JAK1: variants seen among roughly 807,000 people sequenced by gnomAD.
JAK1 encodes tyrosine-protein kinase JAK1.
Under a neutral mutation model 136.6 loss-of-function variants are expected in JAK1, and 16 were observed. That is an observed-to-expected ratio of 0.12 (90% CI 0.08 to 0.18). The LOEUF is 0.18. JAK1 is among the 10% of genes least tolerant of loss of function. JAK1 has a pLI of 1.00. For missense variants in JAK1, 859 were observed against 1,450.1 expected, an observed-to-expected ratio of 0.59 and a Z score of 6.62; for synonymous variants, 492 against 519.5, an observed-to-expected ratio of 0.95 and a Z score of 0.72.
At chr1:65,057,551 G>A (rs918027129) in intron 1 of JAK1, among the ~76,000 whole-genome samples, 2 of 152,116 alleles carry the variant, frequency 1.3e-5, no homozygotes, top group Admixed American at 6.5e-5. Context: ...AAATTTGCAG[G>A]TGGGTGGCCT....
At chr1:64,989,031 A>T (rs962568824) in intron 2 of JAK1, among the ~76,000 whole-genome samples, 15 of 109,428 alleles carry the variant, frequency 1.4e-4, no homozygotes, top group South Asian at 2.9e-4. Context: ...TATATATATA[A>T]AATACAGAGA....
Position 64,837,994 on chromosome 1 carries a change from T to C in JAK1, c.3078A>G (p.Lys1026=), listed in dbSNP as rs200974543. Residue 1026 remains lysine, a synonymous_variant, in exon 22 of 25, where the codon AAA becomes AAG. Coordinates refer to ENST00000342505, the MANE Select transcript of JAK1 (RefSeq NM_002227.4). ...QVKIGDFGLT[K]AIETDKEYYT... ...AATACTCCTTATCGGTTTCAATTGC[T>C]TTGGTTAAACCGAAGTCTCCAATTT... 3.5e-5 allele frequency: 57 copies of C among 1,614,090 alleles called. No homozygotes were observed. In the Middle Eastern group the frequency reaches 8.2e-4, roughly 23 times the overall value.
chr1:64,886,977 T>A (rs1472470965), intron 1 of JAK1, among the ~76,000 whole-genome samples: 1 of 152,138 alleles, frequency 6.6e-6, no homozygotes, highest in Non-Finnish European at 1.5e-5. Flanking sequence ...AGAATCCAGT[T>A]TTAGGAAGAG....
At chr1:64,902,371 C>T (rs141402082) in intron 1 of JAK1, among the ~76,000 whole-genome samples, 1 of 152,224 alleles carries the variant, frequency 6.6e-6, no homozygotes, top group East Asian at 1.9e-4. Flanking sequence ...TTAAGACAGA[C>T]AGCAGCATCT....
At chr1:64,903,507 G>A (rs1570741780) in intron 1 of JAK1, among the ~76,000 whole-genome samples, 2 of 152,186 alleles carry the variant, frequency 1.3e-5, no homozygotes, top group African/African-American at 4.8e-5. Flanking sequence ...ATGAGACAAT[G>A]AAAGATACTA....
In JAK1 at chr1:64,878,603, A is replaced by ATATC. The variant is rs1230363421; in HGVS notation, c.329+418_329+421dup. On this transcript the variant is annotated intron_variant, in intron 4 of 24. Transcript: ENST00000342505. ...TATATATATATATATATATATATATATATCTCAAAAGTTTAAAAAATATAC... is the reference window on the plus strand; with the variant it reads ...TATATATATATATATATATATATATATATCTATCTCAAAAGTTTAAAAAATATAC... 1.1e-3 allele frequency among the ~76,000 whole-genome samples: 117 copies of ATATC among 110,124 alleles called. 1 individual carries two copies. Among genetic ancestry groups the ATATC allele is most frequent in the Non-Finnish European group, 1.9e-3 (98 of 52,436 alleles). The allele number at this position is 110,124 out of a possible 152,430, so 72.2% of individuals were successfully genotyped here.
At chr1:64,883,158 C>G in intron 3 of JAK1, 119 bp downstream of exon 3, 1 of 766,174 alleles carries the variant, frequency 1.3e-6, no homozygotes, top group Non-Finnish European at 2.0e-6. Flanking sequence ...AGGGAGGAAC[C>G]TGACTCCAGA....
In JAK1 at chr1:65,006,773, C is replaced by T. The variant is rs6692102; in HGVS notation, c.-78+37707G>A. On this transcript the variant is annotated intron_variant, in intron 2 of 25. Transcript: ENST00000671954. The stretch of plus-strand genomic sequence containing the variant: ...CTGAACCTGTAGATTCACTGAATTA[C>T]GCCTTGTATATAAAATATTTTATCT... Among the ~76,000 whole-genome samples the T allele has an allele frequency of 6.5e-3, 989 of 152,222 alleles. 9 individuals carry two copies. Among genetic ancestry groups the T allele is most frequent in the African/African-American group, 0.023 (945 of 41,530 alleles).
rs1646583818 is a variant in JAK1 at position 64,984,934 on chromosome 1, T to G, written c.-78+59546A>C. 1 of 1,114,764 alleles carries G rather than the reference T, an allele frequency of 9.0e-7. No individual in the cohort carries two copies. The highest frequency in any genetic ancestry group is 1.5e-5 in the African/African-American group (1 of 65,222). The allele number at this position is 1,114,764 out of a possible 1,614,324, so 69.1% of individuals were successfully genotyped here. A position where few individuals can be genotyped will look rare whatever the true frequency, so the allele number is the denominator to read the frequency against. The stretch of plus-strand genomic sequence containing the variant: ...CCCTGGCTGAAGAGTTCAGCCACAA[T>G]AAACCAGGGAATGTGGTCTGGCCCA... On this transcript the variant is annotated intron_variant, in intron 2 of 25. Transcript: ENST00000671954. This position sits in a 1 kb window ranked among gnomAD's most constrained non-coding sequence, Gnocchi z 4.1.
intron 1 of JAK1, among the ~76,000 whole-genome samples, chr1:65,059,162 T>C (rs2100884354): frequency 1.3e-5 from 2 of 149,166 alleles, no homozygotes; most frequent in Non-Finnish European, 3.0e-5. Flanking sequence ...AAAAAAAAAC[T>C]TAGGTGATTT....
At chr1:65,047,718 CAAA>C (rs775590448) in intron 1 of JAK1, among the ~76,000 whole-genome samples, 1 of 128,170 alleles carries the variant, frequency 7.8e-6, no homozygotes. Context: ...GACTTCATCT[CAAA>C]AAAAAAAAAA....
chr1:64,953,937 T>C (rs938342738), intron 1 of JAK1, among the ~76,000 whole-genome samples: 1 of 152,152 alleles, frequency 6.6e-6, no homozygotes, highest in Non-Finnish European at 1.5e-5. Context: ...GGCCTCCCAA[T>C]GTGCTGGGAT....
At chr1:65,054,701 G>T (rs1647449863) in intron 1 of JAK1, among the ~76,000 whole-genome samples, 1 of 152,124 alleles carries the variant, frequency 6.6e-6, no homozygotes, top group African/African-American at 2.4e-5. Flanking sequence ...AAGACATAAA[G>T]CCAGCAAGAG....
Position 64,834,601 on chromosome 1 carries a change from A to G in JAK1, c.3426T>C (p.Phe1142=). The part of the protein sequence containing the change: ...WEFQPSNRTS[F]QNLIEGFEAL... ...CTTCAAATCCTTCAATAAGGTTCTGAAAGCTTGTCCGATTGGATGGTTGGA... is the reference window on the plus strand; with the variant it reads ...CTTCAAATCCTTCAATAAGGTTCTGGAAGCTTGTCCGATTGGATGGTTGGA... Residue 1142 remains phenylalanine (F), a synonymous_variant, in exon 25 of 25, where the codon TTT becomes TTC. Coordinates refer to ENST00000342505, the MANE Select transcript of JAK1 (RefSeq NM_002227.4). 6.2e-7 allele frequency: 1 copy of G among 1,612,758 alleles called. No individual in the cohort carries two copies. Among genetic ancestry groups the G allele is most frequent in the Non-Finnish European group, 8.5e-7 (1 of 1,178,922 alleles).
chr1:64,891,531 T>C (rs918319182), intron 1 of JAK1, among the ~76,000 whole-genome samples: 1 of 152,168 alleles, frequency 6.6e-6, no homozygotes, highest in Middle Eastern at 3.2e-3. Flanking sequence ...TGCCACAGTG[T>C]GAGAGGAAAG....
chr1:65,016,134 C>G (rs1646890150), intron 2 of JAK1, among the ~76,000 whole-genome samples: 1 of 152,110 alleles, frequency 6.6e-6, no homozygotes, highest in Admixed American at 6.5e-5. Flanking sequence ...TGAAATATCT[C>G]AAATAGGAAA....
intron 1 of JAK1, among the ~76,000 whole-genome samples, chr1:64,944,175 T>C (rs939987421): frequency 7.4e-6 from 1 of 134,686 alleles, no homozygotes; most frequent in Non-Finnish European, 1.5e-5. Context: ...TGAGCCGAGA[T>C]CGCACCATTG....
intron 1 of JAK1, among the ~76,000 whole-genome samples, chr1:64,906,370 T>C (rs1012385010): frequency 9.9e-5 from 15 of 150,958 alleles, no homozygotes; most frequent in Admixed American, 8.6e-4. Context: ...ATCCAAACCA[T>C]CATCTATATA....
intron 1 of JAK1, among the ~76,000 whole-genome samples, chr1:64,926,195 C>G (rs1356408587): frequency 6.6e-6 from 1 of 152,128 alleles, no homozygotes; most frequent in African/African-American, 2.4e-5. Flanking sequence ...TATCTTCACT[C>G]CAGTTCCTGC....
Sources: gnomAD v4.1 joint callset for allele counts (sites outside exome capture counted in the v4.1 genomes callset) on GRCh38, gnomAD v4.1.1 for gene constraint, Gnocchi (gnomAD v3.1) non-coding constraint, MANE v1.5 for transcripts, NCBI Gene and HGNC (gene_info 2026-07-23, HGNC 2026-07-21) for gene names.